The following APBA2 variants were observed in gnomAD, a reference collection of about 807,000 sequenced individuals.
The protein encoded by APBA2 is amyloid-beta A4 precursor protein-binding family A member 2.
APBA2 carries 30 observed loss-of-function variants against 75.0 expected under a neutral mutation model. The observed-to-expected ratio is 0.40, with a 90% CI of 0.30 to 0.54. The LOEUF (loss-of-function observed/expected upper bound fraction) is 0.54. Ranked by LOEUF, APBA2 falls within the 20% of genes least tolerant of loss-of-function variation. APBA2 has a pLI of 0.49. For missense variants in APBA2, 801 were observed against 1,016.1 expected (o/e 0.79, Z 2.88); for synonymous variants, 444 against 409.6 (o/e 1.08, Z -1.01).
intron 3 of APBA2, among the ~76,000 whole-genome samples, chr15:29,013,820 A>G (rs558464207): frequency 2.0e-5 from 3 of 152,366 alleles, no homozygotes; most frequent in East Asian, 3.9e-4. Context: ...CCTTAAAGAA[A>G]TTAAGCCTCC....
At chr15:29,022,381 T>G (rs1490873605) in intron 3 of APBA2, among the ~76,000 whole-genome samples, 1 of 152,188 alleles carries the variant, frequency 6.6e-6, no homozygotes, top group African/African-American at 2.4e-5. Flanking sequence ...GTCTTTTCCT[T>G]GATGATTTTT....
At chr15:28,914,374 A>G (rs1323439238) in intron 1 of APBA2, among the ~76,000 whole-genome samples, 1 of 152,198 alleles carries the variant, frequency 6.6e-6, no homozygotes, top group Non-Finnish European at 1.5e-5. Flanking sequence ...AATACTGTCT[A>G]TTTGACCTTC....
At position 29,113,351 on chromosome 15, in the gene APBA2, C is replaced by T. The variant is rs549141797; in HGVS notation, c.2038-525C>T. On this transcript the variant is annotated intron_variant, in intron 13 of 14. Coordinates refer to ENST00000683413, the MANE Select transcript of APBA2 (RefSeq NM_001353788.2). ...CACAAAATGCCCTTACGTCACTTGG[C>T]GGGGGGGGGATGTAGGAATAAAGTG... 7.5e-4 allele frequency among the ~76,000 whole-genome samples: 112 copies of T among 150,314 alleles called. 2 individuals are homozygous for T. Among genetic ancestry groups the T allele is most frequent in the East Asian group, 1.2e-3 (6 of 5,074 alleles).
chr15:28,900,270 G>T (rs1043994713), intron 1 of APBA2, among the ~76,000 whole-genome samples: 2 of 152,176 alleles, frequency 1.3e-5, no homozygotes, highest in African/African-American at 4.8e-5. Flanking sequence ...TGGGTGACAG[G>T]TGCTGTTCTC....
intron 2 of APBA2, among the ~76,000 whole-genome samples, chr15:28,940,317 C>T (rs1284007109): frequency 2.9e-5 from 4 of 139,484 alleles, no homozygotes; most frequent in Non-Finnish European, 6.0e-5. Flanking sequence ...TCGAGACCAT[C>T]CTGGCTAACA....
chr15:29,078,517 A>G (rs1025200274), intron 6 of APBA2, among the ~76,000 whole-genome samples: 1 of 150,816 alleles, frequency 6.6e-6, no homozygotes, highest in African/African-American at 2.4e-5. Context: ...AGGCTGAGGC[A>G]GGAGAATCAC....
chr15:28,910,460 C>T (rs2033377779), intron 1 of APBA2, among the ~76,000 whole-genome samples: 1 of 152,130 alleles, frequency 6.6e-6, no homozygotes, highest in Non-Finnish European at 1.5e-5. Context: ...AAATGCTGCC[C>T]CAGTCAGATG....
At chr15:28,927,587 T>A (rs1479530232) in intron 2 of APBA2, among the ~76,000 whole-genome samples, 1 of 151,828 alleles carries the variant, frequency 6.6e-6, no homozygotes, top group East Asian at 2.0e-4. Flanking sequence ...ATTATTATTA[T>A]TTTTTTATTT....
intron 3 of APBA2, among the ~76,000 whole-genome samples, chr15:29,005,419 C>A (rs1271975494): frequency 6.6e-6 from 1 of 152,146 alleles, no homozygotes; most frequent in African/African-American, 2.4e-5. Context: ...CACCACCACA[C>A]CCAGCTAATT....
intron 13 of APBA2, among the ~76,000 whole-genome samples, chr15:29,110,634 T>G (rs1444308198): frequency 1.3e-5 from 2 of 152,120 alleles, no homozygotes; most frequent in East Asian, 1.9e-4. Flanking sequence ...GCACAGGAAC[T>G]GGAGAAGCTG....
At chr15:29,003,994 G>A (rs1254489587) in intron 3 of APBA2, among the ~76,000 whole-genome samples, 1 of 152,170 alleles carries the variant, frequency 6.6e-6, no homozygotes, top group Non-Finnish European at 1.5e-5. Context: ...AACACGTGGG[G>A]GCTCCAGGAC....
chr15:29,115,968 GC>G (rs113453179), intron 14 of APBA2, among the ~76,000 whole-genome samples: 15,666 of 152,182 alleles, frequency 0.1, 2,546 homozygotes, highest in African/African-American at 0.35. Flanking sequence ...CAGTGCGAGG[GC>G]CCCCCATCCG....
At chr15:29,058,735 G>C (rs963755818) in intron 4 of APBA2, among the ~76,000 whole-genome samples, 1 of 53,172 alleles carries the variant, frequency 1.9e-5, no homozygotes, top group African/African-American at 8.1e-5. Context: ...AGGAAGACAG[G>C]TTGGGGAACA....
At chr15:28,984,493 T>C (rs890926726) in intron 2 of APBA2, among the ~76,000 whole-genome samples, 1 of 152,080 alleles carries the variant, frequency 6.6e-6, no homozygotes, top group Non-Finnish European at 1.5e-5. Context: ...TCCAGCCCCC[T>C]GACTCAGTCT....
chr15:28,936,837 C>T (rs1209036848), intron 2 of APBA2, among the ~76,000 whole-genome samples: 1 of 152,182 alleles, frequency 6.6e-6, no homozygotes, highest in Non-Finnish European at 1.5e-5. Flanking sequence ...GGCAGGGGCC[C>T]TGCTGGGACA....
chr15:29,069,357 C>A (rs2042517501), intron 4 of APBA2, among the ~76,000 whole-genome samples: 1 of 152,230 alleles, frequency 6.6e-6, no homozygotes, highest in Non-Finnish European at 1.5e-5. Context: ...TTGCTTTCAG[C>A]TCTTTTGGGT....
intron 3 of APBA2, among the ~76,000 whole-genome samples, chr15:29,002,740 G>A (rs143300533): frequency 1.4e-4 from 22 of 152,168 alleles, no homozygotes; most frequent in African/African-American, 5.3e-4. Context: ...ATGCGAGGCT[G>A]GAAAGAGAGC....
At chr15:29,029,805 G>C (rs949133006) in intron 3 of APBA2, among the ~76,000 whole-genome samples, 3 of 152,192 alleles carry the variant, frequency 2.0e-5, no homozygotes, top group African/African-American at 4.8e-5. Flanking sequence ...TAGAGATGCT[G>C]TTGGTCACAA....
chr15:29,039,296 T>A (rs1051106547), intron 3 of APBA2, among the ~76,000 whole-genome samples: 4 of 152,048 alleles, frequency 2.6e-5, no homozygotes, highest in African/African-American at 9.7e-5. Context: ...ACCTGGGATA[T>A]CTGCAGCAGG....
Sources: allele counts gnomAD v4.1 joint callset (sites outside exome capture counted in the v4.1 genomes callset), GRCh38; gene constraint gnomAD v4.1.1; transcripts MANE v1.5; gene names NCBI Gene and HGNC (gene_info 2026-07-23, HGNC 2026-07-21).